Variants in NRP1 observed in about 807,000 individuals in gnomAD.
The protein encoded by NRP1 is neuropilin-1.
Under a neutral mutation model 106.7 loss-of-function variants are expected in NRP1, and 35 were observed. That is an observed-to-expected ratio of 0.33 (90% CI 0.25 to 0.43). NRP1 has a LOEUF of 0.43. NRP1 is among the 20% of genes least tolerant of loss of function. NRP1 has a pLI of 1.00. For synonymous variants in NRP1, 437 were observed against 417.9 expected (o/e 1.05, Z -0.56); for missense variants, 1,024 against 1,170.4 (o/e 0.87, Z 1.83).
chr10:33,285,614 G>A (rs901229391), intron 2 of NRP1, among the ~76,000 whole-genome samples: 6 of 152,206 alleles, frequency 3.9e-5, no homozygotes, highest in South Asian at 2.1e-4. Context: ...AGGATCACCT[G>A]AGGTCAGGAG....
intron 6 of NRP1, among the ~76,000 whole-genome samples, chr10:33,250,944 G>A (rs1841810048): frequency 6.6e-6 from 1 of 152,184 alleles, no homozygotes; most frequent in South Asian, 2.1e-4. Context: ...TGCTTTGGCA[G>A]TGAAGGTGGG....
intron 10 of NRP1, 54 bp downstream of exon 10, chr10:33,207,518 A>C (rs77907161): frequency 1.2e-6 from 2 of 1,605,294 alleles, no homozygotes; most frequent in Non-Finnish European, 1.7e-6. Flanking sequence ...GCATAAATGC[A>C]TGGAAGAGGA....
At chr10:33,212,670 C>A in intron 9 of NRP1, 1 of 147,878 alleles carries the variant, frequency 6.8e-6, no homozygotes, top group Non-Finnish European at 1.5e-5. Flanking sequence ...TATTTTATCA[C>A]AATTAATTTT....
At chr10:33,180,466 C>T in intron 16 of NRP1, 101 bp from the exon 17 acceptor site, 1 of 1,169,952 alleles carries the variant, frequency 8.5e-7, no homozygotes, top group Non-Finnish European at 1.2e-6. Flanking sequence ...AATCACACAC[C>T]CCAGTTTTGC....
chr10:33,203,664 G>A (rs1395377705), intron 10 of NRP1, among the ~76,000 whole-genome samples: 1 of 150,438 alleles, frequency 6.6e-6, no homozygotes, highest in Admixed American at 6.6e-5. Context: ...ACTGTTCACA[G>A]GTATTCCCAT....
intron 3 of NRP1, 102 bp from the exon 4 acceptor site, chr10:33,263,975 C>G: frequency 1.3e-6 from 1 of 743,986 alleles, no homozygotes; most frequent in East Asian, 2.5e-5. Context: ...AATAAAAGCC[C>G]GCCAGTATAA....
intron 14 of NRP1, 69 bp from the exon 15 acceptor site, chr10:33,185,793 G>T: frequency 7.6e-7 from 1 of 1,316,768 alleles, no homozygotes; most frequent in Non-Finnish European, 1.1e-6. Context: ...ACAAATGCTT[G>T]TTCAGCTCCA....
intron 13 of NRP1, among the ~76,000 whole-genome samples, chr10:33,186,765 A>G (rs2132599281): frequency 6.6e-6 from 1 of 152,332 alleles, no homozygotes; most frequent in East Asian, 1.9e-4. Flanking sequence ...GACACATGCT[A>G]TGCCTCAAGC....
At chr10:33,210,494 G>A (rs557964844) in intron 9 of NRP1, among the ~76,000 whole-genome samples, 2 of 152,294 alleles carry the variant, frequency 1.3e-5, no homozygotes, top group East Asian at 1.9e-4. Flanking sequence ...AGCTGTCAGT[G>A]CAGAGCTGGG....
chr10:33,321,286 A>G (rs1267459648), intron 2 of NRP1, among the ~76,000 whole-genome samples: 1 of 152,196 alleles, frequency 6.6e-6, no homozygotes, highest in East Asian at 1.9e-4. Flanking sequence ...GCCTGGCTAG[A>G]AATTTACATT....
intron 2 of NRP1, among the ~76,000 whole-genome samples, chr10:33,319,959 C>T (rs769192273): frequency 1.8e-4 from 28 of 151,778 alleles, no homozygotes; most frequent in Non-Finnish European, 3.7e-4. Flanking sequence ...TCAGCTAGAC[C>T]GCGAACCCAC....
chr10:33,216,869 A>T (rs573697055), intron 8 of NRP1, among the ~76,000 whole-genome samples: 1 of 152,244 alleles, frequency 6.6e-6, no homozygotes, highest in South Asian at 2.1e-4. Context: ...GCCCTGTTTT[A>T]TACATAGTAT....
At position 33,213,550 on chromosome 10, in the gene NRP1, A is replaced by T; in HGVS notation, c.1450T>A (p.Trp484Arg). The part of the protein sequence containing the change: ...PPAPHSYINE[W>R]LQIDLGEEKI... ...TCCTCCCCCAGGTCTATTTGGAGCCACTCATTGATGTAGGAATGAGGTGCG... is the reference window on the plus strand; with the variant it reads ...TCCTCCCCCAGGTCTATTTGGAGCCTCTCATTGATGTAGGAATGAGGTGCG... Residue 484 changes from tryptophan (W) to arginine (R), a missense_variant, in exon 9 of 17, where the codon TGG becomes AGG. By Grantham distance (101) the Trp-to-Arg change is moderately radical. Around this residue, in one of 5 missense-constraint regions of NRP1, gnomAD observed 562 missense variants for 620.3 expected, o/e 0.91. Transcript: ENST00000374867. 1.2e-6 allele frequency: 2 copies of T among 1,613,798 alleles called. No homozygotes were observed. The highest frequency in any genetic ancestry group is 1.7e-6 in the Non-Finnish European group (2 of 1,179,984).
chr10:33,182,155 A>G (rs1835726683), intron 16 of NRP1, among the ~76,000 whole-genome samples: 1 of 152,140 alleles, frequency 6.6e-6, no homozygotes, highest in South Asian at 2.1e-4. Context: ...CTAACTCTTC[A>G]ATAAATCCTT....
intron 2 of NRP1, among the ~76,000 whole-genome samples, chr10:33,326,083 T>C (rs975663596): frequency 6.6e-6 from 1 of 152,256 alleles, no homozygotes; most frequent in Non-Finnish European, 1.5e-5. Context: ...TGGTGACATC[T>C]GATCTGAATG....
intron 6 of NRP1, among the ~76,000 whole-genome samples, chr10:33,248,924 A>T (rs1368624812): frequency 6.6e-6 from 1 of 152,154 alleles, no homozygotes; most frequent in Non-Finnish European, 1.5e-5. Flanking sequence ...TTTTTTCCAC[A>T]AGAGAAAAAG....
chr10:33,263,330 A>C (rs1842697983), intron 4 of NRP1, among the ~76,000 whole-genome samples: 1 of 152,208 alleles, frequency 6.6e-6, no homozygotes. Context: ...AGGTCAGTGG[A>C]TGAGCAAAAT....
chr10:33,250,739 T>A (rs1258740807), intron 6 of NRP1, among the ~76,000 whole-genome samples: 1 of 152,156 alleles, frequency 6.6e-6, no homozygotes, highest in African/African-American at 2.4e-5. Flanking sequence ...TGATTATACC[T>A]CCTTCCCAGG....
At chr10:33,321,275 C>G (rs1488107068) in intron 2 of NRP1, among the ~76,000 whole-genome samples, 1 of 152,182 alleles carries the variant, frequency 6.6e-6, no homozygotes, top group African/African-American at 2.4e-5. Context: ...TGAGCCACCG[C>G]GCCTGGCTAG....
Sources: allele counts gnomAD v4.1 joint callset (sites outside exome capture counted in the v4.1 genomes callset), GRCh38; gene constraint gnomAD v4.1.1; regional missense constraint gnomAD v4.1.1; transcripts MANE v1.5; gene names NCBI Gene and HGNC (gene_info 2026-07-23, HGNC 2026-07-21).